Variants in CSMD3 observed in about 807,000 individuals in gnomAD.
CSMD3 encodes CUB and sushi domain-containing protein 3.
In CSMD3, 177 loss-of-function variants were observed where a neutral mutation model predicts 435.2. The observed-to-expected ratio is 0.41, with a 90% CI of 0.36 to 0.46. The LOEUF is 0.46. Ranked by LOEUF, CSMD3 falls within the 20% of genes least tolerant of loss-of-function variation. The pLI, the probability that CSMD3 is intolerant of heterozygous loss-of-function variation, is 0.34. For missense variants in CSMD3, 4,265 were observed against 4,504.6 expected (o/e 0.95, Z 1.52); for synonymous variants, 1,656 against 1,520.5 (o/e 1.09, Z -2.07).
chr8:113,366,188 A>G (rs774730362), intron 1 of CSMD3, among the ~76,000 whole-genome samples: 1 of 151,816 alleles, frequency 6.6e-6, no homozygotes, highest in Non-Finnish European at 1.5e-5. Flanking sequence ...TTTATTTTGT[A>G]TTGTTTGCTT....
At chr8:112,423,667 A>T (rs1326389708) in intron 32 of CSMD3, among the ~76,000 whole-genome samples, 1 of 152,038 alleles carries the variant, frequency 6.6e-6, no homozygotes, top group Non-Finnish European at 1.5e-5. Context: ...CTGGACTCGA[A>T]CTTCTGGGCT....
chr8:112,903,484 G>A (rs550773820), intron 10 of CSMD3, among the ~76,000 whole-genome samples: 18 of 151,344 alleles, frequency 1.2e-4, no homozygotes, highest in East Asian at 2.0e-4. Flanking sequence ...TCATGGTGGC[G>A]AAGGGGGATC....
At chr8:113,391,149 A>C (rs2094459652) in intron 1 of CSMD3, among the ~76,000 whole-genome samples, 1 of 152,012 alleles carries the variant, frequency 6.6e-6, no homozygotes, top group Non-Finnish European at 1.5e-5. Flanking sequence ...GTACATGGTT[A>C]CATAGATTCA....
intron 3 of CSMD3, among the ~76,000 whole-genome samples, chr8:113,247,658 T>C (rs2093289687): frequency 6.6e-6 from 1 of 152,144 alleles, no homozygotes; most frequent in Non-Finnish European, 1.5e-5. Flanking sequence ...TTATTCATAA[T>C]GTCTTGATTT....
chr8:113,358,960 C>T (rs570457702), intron 1 of CSMD3, among the ~76,000 whole-genome samples: 5 of 151,466 alleles, frequency 3.3e-5, no homozygotes, highest in South Asian at 4.2e-4. Context: ...AAAAGCTGCT[C>T]GGTTAAAAAA....
intron 1 of CSMD3, among the ~76,000 whole-genome samples, chr8:113,323,926 T>C (rs1286067659): frequency 2.0e-5 from 3 of 152,192 alleles, no homozygotes; most frequent in Non-Finnish European, 4.4e-5. Flanking sequence ...TATCAATACA[T>C]GAATGAATGA....
chr8:112,718,048 C>T (rs111661778), intron 13 of CSMD3, among the ~76,000 whole-genome samples: 50,522 of 151,826 alleles, frequency 0.33, 9,268 homozygotes, highest in African/African-American at 0.5. Flanking sequence ...CCTGCATGTT[C>T]TGCACATGTA....
intron 31 of CSMD3, among the ~76,000 whole-genome samples, chr8:112,474,401 G>T (rs1282896353): frequency 6.6e-6 from 1 of 152,106 alleles, no homozygotes; most frequent in Non-Finnish European, 1.5e-5. Flanking sequence ...TAAATTGGAG[G>T]GGAATGTATA....
intron 18 of CSMD3, among the ~76,000 whole-genome samples, chr8:112,651,638 A>C (rs1488181664): frequency 1.3e-5 from 2 of 151,816 alleles, no homozygotes; most frequent in African/African-American, 2.4e-5. Flanking sequence ...GCCGGGTTCA[A>C]GCAATTCTCC....
rs141384053 is a variant in CSMD3 at position 112,610,424 on chromosome 8, A to C, written c.3716-23189T>G. ...TGGCTCCCTGTTCTTTGGGTCTCAA[A>C]TACAGTTTCAACTGTCTAATATTTC... On this transcript the variant is annotated intron_variant, in intron 22 of 70. Coordinates refer to ENST00000297405, the MANE Select transcript of CSMD3 (RefSeq NM_198123.2). 1.1e-3 allele frequency among the ~76,000 whole-genome samples: 169 copies of C among 152,190 alleles called. 1 individual carries two copies. Among genetic ancestry groups the C allele is most frequent in the African/African-American group, 3.9e-3 (162 of 41,528 alleles).
At chr8:113,178,641 A>G (rs2092381169) in intron 3 of CSMD3, among the ~76,000 whole-genome samples, 1 of 151,928 alleles carries the variant, frequency 6.6e-6, no homozygotes, top group African/African-American at 2.4e-5. Flanking sequence ...CTGATAAAGA[A>G]AGGCTTTAAT....
At chr8:112,478,032 C>T (rs1819241450) in intron 31 of CSMD3, among the ~76,000 whole-genome samples, 1 of 152,102 alleles carries the variant, frequency 6.6e-6, no homozygotes, top group Admixed American at 6.6e-5. Flanking sequence ...AGGCGTTCCC[C>T]TGCACTAGCT....
At chr8:113,283,296 C>G (rs1327798368) in intron 2 of CSMD3, among the ~76,000 whole-genome samples, 1 of 152,010 alleles carries the variant, frequency 6.6e-6, no homozygotes, top group Non-Finnish European at 1.5e-5. Context: ...AGTAAGCAGA[C>G]AACCCACAGA....
At position 112,938,425 on chromosome 8, in the gene CSMD3, T is replaced by A. The variant is rs74952192; in HGVS notation, c.1508+9365A>T. Among the ~76,000 whole-genome samples, 126 of 152,312 alleles carry A rather than the reference T, an allele frequency of 8.3e-4. No individual in the cohort carries two copies. In the East Asian group the frequency reaches 0.022, roughly 27 times the overall value. On this transcript the variant is annotated intron_variant, in intron 9 of 70. Coordinates refer to ENST00000297405, the MANE Select transcript of CSMD3 (RefSeq NM_198123.2). ...TTGTCTCTACATTTTTATTTTGACT[T>A]TAACAGAGCCAAGAGAGCATTGATA...
In CSMD3 at chr8:112,232,567, C is replaced by G. The variant is rs563395829; in HGVS notation, c.10741-935G>C. On this transcript the variant is annotated intron_variant, in intron 68 of 70. Transcript: ENST00000297405. ...GAGGTTGTAGTGAGCTGAGATCATGCCACTGCACTCCAGCCTGGGCAACAG... is the reference window on the plus strand; with the variant it reads ...GAGGTTGTAGTGAGCTGAGATCATGGCACTGCACTCCAGCCTGGGCAACAG... 3.3e-5 allele frequency among the ~76,000 whole-genome samples: 5 copies of G among 152,206 alleles called. No homozygotes were observed. In the East Asian group the frequency reaches 9.7e-4, roughly 29 times the overall value.
At chr8:113,339,477 A>T (rs2132833544) in intron 1 of CSMD3, among the ~76,000 whole-genome samples, 1 of 152,126 alleles carries the variant, frequency 6.6e-6, no homozygotes, top group East Asian at 1.9e-4. Context: ...TTTTCTTCAG[A>T]AGAGGACAAT....
intron 22 of CSMD3, among the ~76,000 whole-genome samples, chr8:112,632,313 G>A (rs1358795779): frequency 6.6e-6 from 1 of 151,994 alleles, no homozygotes; most frequent in African/African-American, 2.4e-5. Context: ...ATATGTAGAT[G>A]TGTAATATAG....
At position 112,771,998 on chromosome 8, in the gene CSMD3, A is replaced by G. The variant is rs755665430; in HGVS notation, c.1972+28164T>C. Among the ~76,000 whole-genome samples the G allele has an allele frequency of 3.7e-4, 56 of 152,216 alleles. 1 individual carries two copies. The highest frequency in any genetic ancestry group is 3.4e-3 in the Middle Eastern group (1 of 294). On this transcript the variant is annotated intron_variant, in intron 13 of 70. Coordinates refer to ENST00000297405, the MANE Select transcript of CSMD3 (RefSeq NM_198123.2). ...ATAAAAACTTCCTTGAATCAGAAATATAAATACTAGAATTATAAATGGACA... is the reference window on the plus strand; with the variant it reads ...ATAAAAACTTCCTTGAATCAGAAATGTAAATACTAGAATTATAAATGGACA...
chr8:112,501,781 C>T (rs979826489), intron 30 of CSMD3, among the ~76,000 whole-genome samples: 3 of 152,048 alleles, frequency 2.0e-5, no homozygotes, highest in African/African-American at 7.2e-5. Flanking sequence ...AGTAATAAAC[C>T]AGAACAACCT....
Sources: allele counts gnomAD v4.1 joint callset (sites outside exome capture counted in the v4.1 genomes callset), GRCh38; gene constraint gnomAD v4.1.1; transcripts MANE v1.5; gene names NCBI Gene and HGNC (gene_info 2026-07-23, HGNC 2026-07-21).